ZNF700: variants seen among roughly 807,000 people sequenced by gnomAD.
The protein encoded by ZNF700 is zinc finger protein 700.
ZNF700 carries 38 observed loss-of-function variants against 65.3 expected under a neutral mutation model. The observed-to-expected ratio is 0.58, with a 90% CI of 0.45 to 0.76. ZNF700 has a LOEUF of 0.76. Among genes scored for constraint, ZNF700 ranks in the 30% least tolerant of loss-of-function variants. The probability of loss-of-function intolerance (pLI) is 0.00; values close to 1 mark genes in which losing one functional copy is unlikely to be tolerated. For synonymous variants in ZNF700, 285 were observed against 290.4 expected (o/e 0.98, Z 0.19); for missense variants, 857 against 888.4 (o/e 0.96, Z 0.45).
chr19:11,940,988 GT>G (rs1221054899), intron 1 of ZNF700, among the ~76,000 whole-genome samples: 1 of 151,920 alleles, frequency 6.6e-6, no homozygotes, highest in Non-Finnish European at 1.5e-5. Context: ...TAGATACAGA[GT>G]GCCGATTGGT....
intron 1 of ZNF700, among the ~76,000 whole-genome samples, chr19:11,934,538 T>G (rs564442323): frequency 2.4e-4 from 36 of 148,192 alleles, no homozygotes; most frequent in Admixed American, 2.3e-3. Flanking sequence ...TTTGTTTGTT[T>G]GTTTGGAGAT....
At position 11,949,405 on chromosome 19, in the gene ZNF700, C is replaced by A; in HGVS notation, c.1381C>A (p.Leu461Ile). Residue 461 changes from leucine (L) to isoleucine (I), a missense_variant, in exon 4 of 4, where the codon CTT becomes ATT. Leu to Ile is a conservative substitution (Grantham distance 5). Around this residue, in one of 3 missense-constraint regions of ZNF700, gnomAD observed 603 missense variants for 619.9 expected, o/e 0.97. Coordinates refer to ENST00000254321, the MANE Select transcript of ZNF700 (RefSeq NM_144566.3). ...GAAAGCCTTCAGATCTACCTCACAC[C>A]TTCGAGTGCATGGTAGGACTCATAC... is the stretch of plus-strand genomic sequence containing the variant. ...CGKAFRSTSH[L>I]RVHGRTHTGE... 1 of 1,613,442 alleles carries A rather than the reference C, an allele frequency of 6.2e-7. No individual in the cohort carries two copies. The highest frequency in any genetic ancestry group is 8.5e-7 in the Non-Finnish European group (1 of 1,179,846).
chr19:11,938,707 G>A (rs1972835253), intron 1 of ZNF700, among the ~76,000 whole-genome samples: 1 of 152,196 alleles, frequency 6.6e-6, no homozygotes, highest in Admixed American at 6.5e-5. Context: ...TGTCTTTATA[G>A]CAGCATGATT....
intron 1 of ZNF700, among the ~76,000 whole-genome samples, chr19:11,926,055 G>GC (rs1394163815): frequency 7.9e-5 from 12 of 152,224 alleles, no homozygotes; most frequent in African/African-American, 4.8e-5. Flanking sequence ...AGAGTGTGAA[G>GC]TTTGTCTAAA....
intron 1 of ZNF700, among the ~76,000 whole-genome samples, chr19:11,928,296 A>C (rs1972662561): frequency 6.6e-6 from 1 of 152,116 alleles, no homozygotes; most frequent in Non-Finnish European, 1.5e-5. Flanking sequence ...CTGGCTAACA[A>C]CTTAATTCGT....
chr19:11,950,488 C>G lies in ZNF700; in HGVS notation c.*235C>G. 1.5e-6 allele frequency: 1 copy of G among 653,276 alleles called. No homozygotes were observed. The highest frequency in any genetic ancestry group is 2.8e-6 in the Non-Finnish European group (1 of 356,876). 40.5% of individuals were successfully genotyped at this position (653,276 alleles called of 1,614,324 possible). A position where few individuals can be genotyped will look rare whatever the true frequency, so the allele number is the denominator to read the frequency against. ...GAAACCCTATGAGTGTATTCTAGTTCCGTTTGATATCATGAAAGGACTTAC... is the reference window on the plus strand; with the variant it reads ...GAAACCCTATGAGTGTATTCTAGTTGCGTTTGATATCATGAAAGGACTTAC... On this transcript the variant is annotated 3_prime_UTR_variant, in exon 4 of 4. Transcript: ENST00000254321.
intron 1 of ZNF700, chr19:11,946,655 C>A (rs1972963957): frequency 6.6e-6 from 1 of 152,320 alleles, no homozygotes; most frequent in Admixed American, 6.5e-5. Flanking sequence ...GGCCAACCCA[C>A]CTCTAATGCT....
In ZNF700 at chr19:11,949,649, G is replaced by A. The variant is rs1973028027; in HGVS notation, c.1625G>A (p.Gly542Asp). 6 of 1,612,708 alleles carry A rather than the reference G, an allele frequency of 3.7e-6. No individual in the cohort carries two copies. Among genetic ancestry groups the A allele is most frequent in the African/African-American group, 1.3e-5 (1 of 74,370 alleles). ...AAACCCTATGAATGCAACCAATGTG[G>A]TAAAGCCTTCAGATGTTGCAATTCC... is the stretch of plus-strand genomic sequence containing the variant. ...GEKPYECNQCGKAFRCCNSLR... is the reference protein window; with the variant it reads ...GEKPYECNQCDKAFRCCNSLR... The change falls in exon 4 of 4, where the codon GGT (glycine) becomes GAT (aspartate). Residue 542 changes from glycine (G) to aspartate (D), a missense_variant. This residue lies in a region of ZNF700 where 251 missense variants were observed against 250.3 expected (regional missense o/e 1.00). Transcript: ENST00000254321.
chr19:11,930,003 C>G (rs899983957), intron 1 of ZNF700, among the ~76,000 whole-genome samples: 1 of 148,068 alleles, frequency 6.8e-6, no homozygotes, highest in Non-Finnish European at 1.5e-5. Flanking sequence ...AGTTTTAGAA[C>G]TGCCTGTAGC....
intron 1 of ZNF700, among the ~76,000 whole-genome samples, chr19:11,925,579 G>T (rs1972613978): frequency 6.6e-6 from 1 of 152,224 alleles, no homozygotes; most frequent in Non-Finnish European, 1.5e-5. Flanking sequence ...GCAACGGGAG[G>T]GTCATGGAGG....
chr19:11,942,241 C>T (rs769564450), intron 1 of ZNF700, among the ~76,000 whole-genome samples: 2 of 150,998 alleles, frequency 1.3e-5, no homozygotes, highest in Non-Finnish European at 2.9e-5. Context: ...CCCTGGACTT[C>T]CCCTCCTGCT....
intron 1 of ZNF700, among the ~76,000 whole-genome samples, chr19:11,933,364 A>G (rs1306348413): frequency 6.7e-6 from 1 of 148,336 alleles, no homozygotes; most frequent in Non-Finnish European, 1.5e-5. Context: ...TGAAGAAGCC[A>G]ATATTATTAT....
At position 11,925,146 on chromosome 19, in the gene ZNF700, G is replaced by T; in HGVS notation, c.-65G>T. On this transcript the variant is annotated 5_prime_UTR_variant, in exon 1 of 4. Transcript: ENST00000254321. Reference sequence around the variant, plus strand: ...CTGCGCGGGCGGCGGTTGGTAACCGGTCAGACCAGCCCGAGAGGGACCTGG... The same window carrying T: ...CTGCGCGGGCGGCGGTTGGTAACCGTTCAGACCAGCCCGAGAGGGACCTGG... 1 of 1,594,932 alleles carries T rather than the reference G, an allele frequency of 6.3e-7. No individual in the cohort carries two copies. The highest frequency in any genetic ancestry group is 8.6e-7 in the Non-Finnish European group (1 of 1,167,120).
At chr19:11,947,745 C>G (rs1428521220) in intron 3 of ZNF700, among the ~76,000 whole-genome samples, 171 bp downstream of exon 3, 1 of 152,216 alleles carries the variant, frequency 6.6e-6, no homozygotes, top group Non-Finnish European at 1.5e-5. Context: ...AGGGCTCACT[C>G]CTGTAATCCC....
At chr19:11,947,073 A>G in intron 1 of ZNF700, 108 bp from the exon 2 acceptor site, 1 of 1,489,102 alleles carries the variant, frequency 6.7e-7, no homozygotes, top group Non-Finnish European at 9.0e-7. Context: ...GAAGCAGGGA[A>G]TAAATGTTTG....
rs373856057 is a variant in ZNF700 at position 11,933,891 on chromosome 19, G to T, written c.63+8618G>T. ...TTGTTTTTGTTTTGTTAGAGACAGGGTCTCAAACACCCCAGCTCAGGTGAT... is the reference window on the plus strand; with the variant it reads ...TTGTTTTTGTTTTGTTAGAGACAGGTTCTCAAACACCCCAGCTCAGGTGAT... On this transcript the variant is annotated intron_variant, in intron 1 of 3. Coordinates refer to ENST00000254321, the MANE Select transcript of ZNF700 (RefSeq NM_144566.3). Among the ~76,000 whole-genome samples, 14 of 146,966 alleles carry T rather than the reference G, an allele frequency of 9.5e-5. No homozygotes were observed. The East Asian group carries it at 1.5e-3, about 16-fold the overall frequency.
chr19:11,932,358 GAC>G (rs1182408178), intron 1 of ZNF700, among the ~76,000 whole-genome samples: 1 of 147,070 alleles, frequency 6.8e-6, no homozygotes, highest in Non-Finnish European at 1.5e-5. Context: ...AAAAAGAAAA[GAC>G]ACAAAAAAAT....
intron 1 of ZNF700, among the ~76,000 whole-genome samples, chr19:11,934,460 T>C (rs1363703768): frequency 6.7e-6 from 1 of 148,446 alleles, no homozygotes; most frequent in African/African-American, 2.6e-5. Context: ...TGTTTTGGAT[T>C]TTAGCTACTG....
chr19:11,935,459 C>T (rs1314962845), intron 1 of ZNF700, among the ~76,000 whole-genome samples: 1 of 151,918 alleles, frequency 6.6e-6, no homozygotes, highest in African/African-American at 2.4e-5. Flanking sequence ...TCTCGAACTC[C>T]TGACCTCGAT....
Sources: gnomAD v4.1 joint callset for allele counts (sites outside exome capture counted in the v4.1 genomes callset) on GRCh38, gnomAD v4.1.1 for gene constraint, gnomAD v4.1.1 regional missense constraint, MANE v1.5 for transcripts, NCBI Gene and HGNC (gene_info 2026-07-23, HGNC 2026-07-21) for gene names.